Variants in DSCAML1 observed in about 807,000 individuals in gnomAD.
DSCAML1 encodes DS cell adhesion molecule like 1.
DSCAML1 carries 38 observed loss-of-function variants against 200.5 expected under a neutral mutation model. The ratio of observed to expected loss-of-function variants is 0.19; its 90% CI spans 0.15 to 0.25. The LOEUF (loss-of-function observed/expected upper bound fraction) is 0.25, where lower values mean the gene tolerates loss of function less well. Ranked by LOEUF, DSCAML1 falls within the 10% of genes least tolerant of loss-of-function variation. DSCAML1 has a pLI of 1.00. For synonymous variants in DSCAML1, 1,215 were observed against 1,165.0 expected (o/e 1.04, Z -0.87); for missense variants, 2,223 against 2,858.8 (o/e 0.78, Z 5.07).
chr11:117,701,397 C>T (rs534583257), intron 3 of DSCAML1, among the ~76,000 whole-genome samples: 4 of 152,164 alleles, frequency 2.6e-5, no homozygotes, highest in South Asian at 2.1e-4. Context: ...AATAAACAAC[C>T]GCCAGAGAAA....
chr11:117,482,204 A>T, intron 11 of DSCAML1, 42 bp from the exon 12 acceptor site: 1 of 1,608,984 alleles, frequency 6.2e-7, no homozygotes, highest in Non-Finnish European at 8.5e-7. Flanking sequence ...AGGTCGGGAG[A>T]CCAGCCTGGA....
chr11:117,482,829 A>C (rs1404873462), intron 11 of DSCAML1, among the ~76,000 whole-genome samples: 2 of 152,172 alleles, frequency 1.3e-5, no homozygotes, highest in African/African-American at 4.8e-5. Context: ...AGATCTATAG[A>C]GCTTCTAGCG....
chr11:117,575,321 C>T (rs1771510223), intron 3 of DSCAML1, among the ~76,000 whole-genome samples: 1 of 152,200 alleles, frequency 6.6e-6, no homozygotes, highest in Non-Finnish European at 1.5e-5. Context: ...TTGAGACCCA[C>T]CACAAGCACT....
chr11:117,510,847 C>T lies in DSCAML1; in HGVS notation c.1784-5115G>A, dbSNP rs555636334. Among the ~76,000 whole-genome samples, 4 of 152,324 alleles carry T rather than the reference C, an allele frequency of 2.6e-5. No homozygotes were observed. The South Asian group carries it at 8.3e-4, about 32-fold the overall frequency. On this transcript the variant is annotated intron_variant, in intron 8 of 32. Transcript: ENST00000651296. ...CGGGAGTTTGCTTCCTCCTTTGTTA[C>T]TGGCTCCCTTGGCTGAGGAAGTAAG...
chr11:117,765,704 G>A (rs940951920), intron 3 of DSCAML1, among the ~76,000 whole-genome samples: 2 of 152,304 alleles, frequency 1.3e-5, no homozygotes, highest in African/African-American at 2.4e-5. Context: ...CATGGAAAAT[G>A]TATTTTCTCT....
At chr11:117,759,635 A>G (rs1488273692) in intron 3 of DSCAML1, among the ~76,000 whole-genome samples, 1 of 151,376 alleles carries the variant, frequency 6.6e-6, no homozygotes, top group East Asian at 2.0e-4. Context: ...CCGCAGGCCC[A>G]CTCTCTTGTC....
chr11:117,452,845 G>A (rs998982399), intron 19 of DSCAML1, among the ~76,000 whole-genome samples: 13 of 152,070 alleles, frequency 8.5e-5, no homozygotes, highest in African/African-American at 3.1e-4. Context: ...ATATCAATGG[G>A]CACTTTTCTT....
At chr11:117,535,086 G>A (rs575461982) in intron 3 of DSCAML1, among the ~76,000 whole-genome samples, 10 of 152,166 alleles carry the variant, frequency 6.6e-5, no homozygotes, top group Non-Finnish European at 1.3e-4. Flanking sequence ...CACTTTGAGA[G>A]CCTCTAAGAT....
intron 3 of DSCAML1, among the ~76,000 whole-genome samples, chr11:117,766,181 C>A (rs2054895375): frequency 6.6e-6 from 1 of 152,222 alleles, no homozygotes; most frequent in Non-Finnish European, 1.5e-5. Context: ...AGAACCGCAG[C>A]ACCGTCTCCA....
Position 117,482,144 on chromosome 11 carries a change from G to A in DSCAML1, c.2378C>T (p.Ser793Phe), listed in dbSNP as rs1457985620. ...GATGGCGATGGTGGTGTTGGGGTGG[G>A]AAGTGATCATGGCCGGGACTGGGGG... ...LTVKIPAMITSHPNTTIAIKG... is the reference protein window; with the variant it reads ...LTVKIPAMITFHPNTTIAIKG... The change falls in exon 12 of 33, where the codon TCC (serine) becomes TTC (phenylalanine). Residue 793 changes from serine (S) to phenylalanine (F), a missense_variant. Physicochemically the swap from Ser to Phe is radical, Grantham distance 155. Around this residue, in one of 7 missense-constraint regions of DSCAML1, gnomAD observed 438 missense variants for 629.7 expected, o/e 0.70. Coordinates refer to ENST00000651296, the MANE Select transcript of DSCAML1 (RefSeq NM_020693.4). 2.5e-6 allele frequency: 4 copies of A among 1,614,152 alleles called. No homozygotes were observed. The highest frequency in any genetic ancestry group is 2.5e-6 in the Non-Finnish European group (3 of 1,179,994).
At chr11:117,678,211 T>G (rs1168277543) in intron 3 of DSCAML1, among the ~76,000 whole-genome samples, 1 of 152,130 alleles carries the variant, frequency 6.6e-6, no homozygotes, top group Non-Finnish European at 1.5e-5. Context: ...AGCTGGGGAA[T>G]GGTGAAGCCA....
At chr11:117,646,169 A>AG (rs1339930693) in intron 3 of DSCAML1, among the ~76,000 whole-genome samples, 1 of 151,736 alleles carries the variant, frequency 6.6e-6, no homozygotes, top group Non-Finnish European at 1.5e-5. Context: ...GTCAGAAAAA[A>AG]AGTCCTCTGT....
At chr11:117,481,368 C>T in intron 12 of DSCAML1, 98 bp from the exon 13 acceptor site, 3 of 1,204,152 alleles carry the variant, frequency 2.5e-6, no homozygotes, top group Non-Finnish European at 3.6e-6. Context: ...TCAGCAAGGC[C>T]CTCTTGTTCT....
intron 3 of DSCAML1, among the ~76,000 whole-genome samples, chr11:117,621,231 T>A (rs2051923634): frequency 6.6e-6 from 1 of 152,360 alleles, no homozygotes; most frequent in South Asian, 2.1e-4. Context: ...CTTAAAATAT[T>A]TTAACAAGTT....
chr11:117,565,730 C>T (rs996758320), intron 3 of DSCAML1, among the ~76,000 whole-genome samples: 1 of 152,160 alleles, frequency 6.6e-6, no homozygotes, highest in Non-Finnish European at 1.5e-5. Flanking sequence ...TCCCTCAGCA[C>T]TCAGCTGGCT....
At chr11:117,531,938 AGGAGGGAG>A (rs59560691) in intron 4 of DSCAML1, among the ~76,000 whole-genome samples, 15,741 of 82,258 alleles carry the variant, frequency 0.19, 1,525 homozygotes, top group South Asian at 0.42. Context: ...GGGAGGAGGG[AGGAGGGAG>A]GGAGGGAGGG....
chr11:117,671,371 C>T (rs988843118), intron 3 of DSCAML1, among the ~76,000 whole-genome samples: 9 of 152,186 alleles, frequency 5.9e-5, no homozygotes, highest in African/African-American at 1.4e-4. Flanking sequence ...TCAGTGGCCA[C>T]GTGGAGTCCA....
chr11:117,816,283 C>A (rs1293952084), intron 1 of DSCAML1, among the ~76,000 whole-genome samples: 1 of 152,158 alleles, frequency 6.6e-6, no homozygotes, highest in African/African-American at 2.4e-5. Context: ...CACTGCCCTC[C>A]CAATGTCCCG....
chr11:117,733,420 G>A (rs1368373279), intron 3 of DSCAML1, among the ~76,000 whole-genome samples: 1 of 152,140 alleles, frequency 6.6e-6, no homozygotes, highest in African/African-American at 2.4e-5. Context: ...TTGGCCCTGT[G>A]AACAGCTGCT....
Sources: gnomAD v4.1 joint callset for allele counts (sites outside exome capture counted in the v4.1 genomes callset) on GRCh38, gnomAD v4.1.1 for gene constraint, gnomAD v4.1.1 regional missense constraint, MANE v1.5 for transcripts, NCBI Gene and HGNC (gene_info 2026-07-23, HGNC 2026-07-21) for gene names.